TNNI3K: variants seen among roughly 807,000 people sequenced by gnomAD.
TNNI3K encodes TNNI3 interacting kinase, also known as serine/threonine-protein kinase TNNI3K.
A neutral mutation model predicts 114.5 loss-of-function variants in TNNI3K; 140 were observed. The ratio of observed to expected loss-of-function variants is 1.22; its 90% CI spans 1.07 to 1.41. The LOEUF is 1.41. Among genes scored for constraint, TNNI3K ranks in the 40% most tolerant of loss-of-function variants. The probability of loss-of-function intolerance (pLI) is 0.00; values close to 1 mark genes in which losing one functional copy is unlikely to be tolerated. For synonymous variants in TNNI3K, 347 were observed against 347.5 expected (o/e 1.00, Z 0.02); for missense variants, 1,125 against 1,007.6 (o/e 1.12, Z -1.58).
chr1:74,349,659 T>G (rs1296181717), intron 9 of TNNI3K, among the ~76,000 whole-genome samples: 10 of 152,162 alleles, frequency 6.6e-5, no homozygotes, highest in African/African-American at 1.4e-4. Flanking sequence ...GCCTGTTATT[T>G]GTCTATTCAG....
At chr1:74,247,381 A>G (rs1654635713) in intron 2 of TNNI3K, among the ~76,000 whole-genome samples, 1 of 152,148 alleles carries the variant, frequency 6.6e-6, no homozygotes, top group Non-Finnish European at 1.5e-5. Flanking sequence ...GGTGAGTGTT[A>G]CAGCTTATAA....
intron 9 of TNNI3K, among the ~76,000 whole-genome samples, chr1:74,350,954 T>G (rs1269353027): frequency 1.3e-5 from 2 of 152,054 alleles, no homozygotes; most frequent in Non-Finnish European, 2.9e-5. Flanking sequence ...TTGGAGCATT[T>G]AGCCCATTTA....
At position 74,369,028 on chromosome 1, in the gene TNNI3K, C is replaced by T; in HGVS notation, c.1328C>T (p.Ala443Val). The T allele has an allele frequency of 6.2e-7, 1 of 1,600,376 alleles. No homozygotes were observed. The highest frequency in any genetic ancestry group is 8.5e-7 in the Non-Finnish European group (1 of 1,175,096). ...GKIKSMTKEK[A>V]DILLLRAGLP... Reference sequence around the variant, plus strand: ...TGACAATTTCTCTTTGCAGAGAAGGCAGATATTCTCCTCCTAAGAGCTGGA... The same window carrying T: ...TGACAATTTCTCTTTGCAGAGAAGGTAGATATTCTCCTCCTAAGAGCTGGA... The change falls in exon 14 of 25, where the codon GCA becomes GTA. Residue 443 changes from alanine to valine, a missense_variant. Coordinates refer to ENST00000326637, the MANE Select transcript of TNNI3K (RefSeq NM_015978.3).
intron 23 of TNNI3K, among the ~76,000 whole-genome samples, chr1:74,522,526 T>C (rs2100417180): frequency 6.6e-6 from 1 of 152,244 alleles, no homozygotes; most frequent in Non-Finnish European, 1.5e-5. Flanking sequence ...ATAGAAGACC[T>C]ACTCCTGAGG....
intron 17 of TNNI3K, among the ~76,000 whole-genome samples, chr1:74,393,069 A>G (rs1454336735): frequency 1.3e-5 from 2 of 152,198 alleles, no homozygotes; most frequent in Admixed American, 6.5e-5. Context: ...TGTCATTGTG[A>G]CGATTAGCAG....
chr1:74,437,057 A>G (rs45512294), intron 19 of TNNI3K, among the ~76,000 whole-genome samples: 13,493 of 151,888 alleles, frequency 0.089, 871 homozygotes, highest in African/African-American at 0.17. Flanking sequence ...ACTCTCCCCA[A>G]TCCCTCCCCC....
chr1:74,369,175 T>C (rs1475488047), intron 14 of TNNI3K, 32 bp from the exon 15 acceptor site: 1 of 1,602,384 alleles, frequency 6.2e-7, no homozygotes, highest in South Asian at 1.1e-5. Context: ...TAAGTTAATA[T>C]GTGTTTATTT....
At chr1:74,364,354 A>C (rs1053153907) in intron 11 of TNNI3K, among the ~76,000 whole-genome samples, 4 of 151,820 alleles carry the variant, frequency 2.6e-5, no homozygotes, top group Non-Finnish European at 1.5e-5. Context: ...CCTGAGGTTA[A>C]AATGGCCACC....
chr1:74,501,914 T>C (rs1669654018), intron 23 of TNNI3K, among the ~76,000 whole-genome samples: 1 of 152,148 alleles, frequency 6.6e-6, no homozygotes, highest in Non-Finnish European at 1.5e-5. Flanking sequence ...TCACTTTACC[T>C]GGAGCCAGGA....
intron 20 of TNNI3K, among the ~76,000 whole-genome samples, chr1:74,459,618 C>T (rs1002845182): frequency 1.3e-5 from 2 of 152,094 alleles, no homozygotes; most frequent in Non-Finnish European, 2.9e-5. Flanking sequence ...AAAAATAACA[C>T]CAGATTATTT....
intron 20 of TNNI3K, among the ~76,000 whole-genome samples, chr1:74,453,676 T>A (rs1667116759): frequency 6.6e-6 from 1 of 152,178 alleles, no homozygotes; most frequent in Admixed American, 6.5e-5. Context: ...ATGTTCAAAT[T>A]AACCTGTAAT....
At chr1:74,426,076 T>C (rs45447794) in intron 17 of TNNI3K, among the ~76,000 whole-genome samples, 1 of 152,232 alleles carries the variant, frequency 6.6e-6, no homozygotes, top group African/African-American at 2.4e-5. Flanking sequence ...TGGGACTAAG[T>C]ACATTTTTAA....
intron 17 of TNNI3K, chr1:74,401,713 A>C: frequency 2.7e-6 from 1 of 374,268 alleles, no homozygotes; most frequent in Admixed American, 3.2e-5. Context: ...AAAATAACAG[A>C]AGAAATAAGA....
chr1:74,290,100 A>C (rs1459364134), intron 5 of TNNI3K, among the ~76,000 whole-genome samples: 1 of 151,778 alleles, frequency 6.6e-6, no homozygotes, highest in Non-Finnish European at 1.5e-5. Flanking sequence ...GTAACCTCCA[A>C]TTAATCAAGC....
intron 5 of TNNI3K, among the ~76,000 whole-genome samples, chr1:74,282,973 A>G (rs1044941689): frequency 3.3e-5 from 5 of 152,176 alleles, no homozygotes; most frequent in African/African-American, 1.2e-4. Flanking sequence ...TTCAATATCA[A>G]TCTAGGGAAT....
intron 23 of TNNI3K, among the ~76,000 whole-genome samples, chr1:74,519,812 T>C (rs1646404688): frequency 6.6e-6 from 1 of 152,170 alleles, no homozygotes; most frequent in Non-Finnish European, 1.5e-5. Context: ...ATAATGTGTG[T>C]CATTCAGAGG....
chr1:74,347,500 C>A (rs1183961006), intron 9 of TNNI3K, among the ~76,000 whole-genome samples: 1 of 152,072 alleles, frequency 6.6e-6, no homozygotes. Flanking sequence ...ATTTATAATC[C>A]TCTGGGTATA....
intron 4 of TNNI3K, among the ~76,000 whole-genome samples, chr1:74,267,165 T>C (rs1656044985): frequency 1.3e-5 from 2 of 151,978 alleles, no homozygotes; most frequent in Admixed American, 1.3e-4. Context: ...CCATTAGACA[T>C]TTCTTATATA....
intron 5 of TNNI3K, among the ~76,000 whole-genome samples, chr1:74,299,800 T>C (rs1321763001): frequency 6.6e-6 from 1 of 152,142 alleles, no homozygotes. Flanking sequence ...GAGAGGATGC[T>C]GAAGAGACAG....
Sources: gnomAD v4.1 joint callset for allele counts (sites outside exome capture counted in the v4.1 genomes callset) on GRCh38, gnomAD v4.1.1 for gene constraint, MANE v1.5 for transcripts, NCBI Gene and HGNC (gene_info 2026-07-23, HGNC 2026-07-21) for gene names.